CNST: variants seen among roughly 807,000 people sequenced by gnomAD.
CNST encodes consortin.
In CNST, 39 loss-of-function variants were observed where a neutral mutation model predicts 72.4. The ratio of observed to expected loss-of-function variants is 0.54; its 90% CI spans 0.42 to 0.70. The LOEUF is 0.70. Ranked by LOEUF, CNST falls within the 30% of genes least tolerant of loss-of-function variation. The probability of loss-of-function intolerance (pLI) is 0.00; values close to 1 mark genes in which losing one functional copy is unlikely to be tolerated. For synonymous variants in CNST, 332 were observed against 320.1 expected, an observed-to-expected ratio of 1.04 and a Z score of -0.40; for missense variants, 871 against 868.5, an observed-to-expected ratio of 1.00 and a Z score of -0.04.
chr1:246,606,643 C>A (rs1038041693), intron 2 of CNST: 1 of 150,968 alleles, frequency 6.6e-6, no homozygotes, highest in Non-Finnish European at 1.5e-5. Flanking sequence ...GCGATAACCC[C>A]GTGAACCATC....
At chr1:246,652,536 A>C (rs1355761547) in intron 9 of CNST, among the ~76,000 whole-genome samples, 1 of 152,252 alleles carries the variant, frequency 6.6e-6, no homozygotes, top group Non-Finnish European at 1.5e-5. Flanking sequence ...TGTGGAGATA[A>C]ACCATTCATT....
chr1:246,608,093 A>T (rs1198720314), intron 2 of CNST: 1 of 152,150 alleles, frequency 6.6e-6, no homozygotes, highest in Non-Finnish European at 1.5e-5. Context: ...AAACAAAACA[A>T]CAAGAAAACA....
intron 3 of CNST, among the ~76,000 whole-genome samples, chr1:246,624,390 T>C (rs1160465297): frequency 1.3e-5 from 2 of 152,230 alleles, no homozygotes; most frequent in African/African-American, 4.8e-5. Flanking sequence ...TTTCTCCTGT[T>C]GTAAAGTAAT....
Position 246,647,663 on chromosome 1 carries a change from G to C in CNST, c.1462G>C (p.Asp488His). The change falls in exon 9 of 11, where the codon GAT (aspartate) becomes CAT (histidine). Residue 488 changes from aspartate (D) to histidine (H), a missense_variant. Asp to His is a moderately conservative substitution (Grantham distance 81, BLOSUM62 -1). Transcript: ENST00000366513. ...TGAATTAAATGAGCTGCAGCAGCCT[G>C]ATCTTACAGACAGTGATGGAAAATC... ...NNELNELQQP[D>H]LTDSDGKSPQ... The C allele has an allele frequency of 6.2e-7, 1 of 1,614,168 alleles. No homozygotes were observed. The highest frequency in any genetic ancestry group is 8.5e-7 in the Non-Finnish European group (1 of 1,180,032).
intron 8 of CNST, among the ~76,000 whole-genome samples, chr1:246,644,223 C>T (rs1198266513): frequency 1.3e-5 from 2 of 151,982 alleles, no homozygotes; most frequent in African/African-American, 4.8e-5. Flanking sequence ...CCCGTCTCTA[C>T]TAAAAATACA....
intron 1 of CNST, among the ~76,000 whole-genome samples, chr1:246,585,064 G>A (rs1440320867): frequency 6.6e-6 from 1 of 152,168 alleles, no homozygotes; most frequent in African/African-American, 2.4e-5. Flanking sequence ...TGATTCTGCT[G>A]GGCCTTAGTC....
chr1:246,616,894 G>C (rs957595334), intron 2 of CNST, among the ~76,000 whole-genome samples: 1 of 151,464 alleles, frequency 6.6e-6, no homozygotes, highest in Admixed American at 6.6e-5. Context: ...AGACTCATGT[G>C]ACATCAAACG....
chr1:246,654,241 T>G lies in CNST; in HGVS notation c.1837-5958T>G, dbSNP rs534781718. On this transcript the variant is annotated intron_variant, in intron 9 of 10. Transcript: ENST00000366513. ...CCCTCGCCACCTCCCAGATACACCT[T>G]GCATGTCGTCACGTTTGCTCTTTTC... Among the ~76,000 whole-genome samples, 19 of 152,314 alleles carry G rather than the reference T, an allele frequency of 1.2e-4. No individual in the cohort carries two copies. The East Asian group carries it at 3.5e-3, about 28-fold the overall frequency.
At chr1:246,649,299 C>T (rs1666317745) in intron 9 of CNST, among the ~76,000 whole-genome samples, 2 of 151,842 alleles carry the variant, frequency 1.3e-5, no homozygotes, top group African/African-American at 4.8e-5. Context: ...GCAATGAATG[C>T]CACTGAATTG....
chr1:246,577,419 A>G lies in CNST; in HGVS notation c.-52+10756A>G, dbSNP rs192678128. Among the ~76,000 whole-genome samples the G allele has an allele frequency of 6.0e-4, 91 of 152,134 alleles. 2 individuals carry two copies. The highest frequency in any genetic ancestry group is 2.1e-3 in the African/African-American group (87 of 41,414). On this transcript the variant is annotated intron_variant, in intron 1 of 10. Transcript: ENST00000366513. Reference sequence around the variant, plus strand: ...GAACTGAACTTTGGATTAAAGTACTACCTTTTTGTAGCTGTTACTCAAAGT... The same window carrying G: ...GAACTGAACTTTGGATTAAAGTACTGCCTTTTTGTAGCTGTTACTCAAAGT...
intron 2 of CNST, among the ~76,000 whole-genome samples, chr1:246,615,392 G>T (rs968779462): frequency 2.6e-5 from 4 of 151,766 alleles, no homozygotes; most frequent in African/African-American, 9.7e-5. Context: ...AGCCAGGATG[G>T]TCTCGATCTC....
chr1:246,661,174 T>G (rs1359693771), intron 10 of CNST, among the ~76,000 whole-genome samples: 1 of 152,122 alleles, frequency 6.6e-6, no homozygotes, highest in Non-Finnish European at 1.5e-5. Flanking sequence ...TTCACCATGT[T>G]GGTCAGGCTG....
intron 9 of CNST, among the ~76,000 whole-genome samples, chr1:246,655,339 A>G (rs778224603): frequency 3.7e-4 from 57 of 152,126 alleles, no homozygotes; most frequent in Non-Finnish European, 5.6e-4. Context: ...TCTAAGATGC[A>G]GTGCTGTGGG....
rs764201920 is a variant in CNST at position 246,597,476 on chromosome 1, TAAC to T, written c.379+5540_379+5542del. The stretch of plus-strand genomic sequence containing the variant: ...TAGATGATGTGTTTTATGGTTGTCG[TAAC>T]AACACTAGATATTTACTCAGCGCTA... On this transcript the variant is annotated intron_variant, in intron 2 of 10. Coordinates refer to ENST00000366513, the MANE Select transcript of CNST (RefSeq NM_152609.3). Among the ~76,000 whole-genome samples, 197 of 152,328 alleles carry T rather than the reference TAAC, an allele frequency of 1.3e-3. 1 individual carries two copies. In the Middle Eastern group the frequency reaches 0.017, roughly 13 times the overall value.
chr1:246,588,287 G>A (rs1266309051), intron 1 of CNST, among the ~76,000 whole-genome samples: 1 of 151,892 alleles, frequency 6.6e-6, no homozygotes, highest in African/African-American at 2.4e-5. Flanking sequence ...AGTGCCAGGG[G>A]TATTTGGAAT....
chr1:246,588,390 A>T (rs1325071469), intron 1 of CNST, among the ~76,000 whole-genome samples: 1 of 152,178 alleles, frequency 6.6e-6, no homozygotes, highest in Non-Finnish European at 1.5e-5. Context: ...TTTAAATAGT[A>T]TCTATTTCCT....
chr1:246,634,775 T>C (rs1433189170), intron 6 of CNST, among the ~76,000 whole-genome samples, 188 bp downstream of exon 6: 1 of 152,216 alleles, frequency 6.6e-6, no homozygotes, highest in African/African-American at 2.4e-5. Flanking sequence ...CACAAGGCGG[T>C]GTGGAGCATC....
At chr1:246,625,721 A>G (rs1664387937) in intron 3 of CNST, among the ~76,000 whole-genome samples, 1 of 151,784 alleles carries the variant, frequency 6.6e-6, no homozygotes, top group Admixed American at 6.6e-5. Flanking sequence ...CGCCCGGCCT[A>G]ATTATTTCTT....
intron 4 of CNST, among the ~76,000 whole-genome samples, chr1:246,633,466 G>A (rs1037204897): frequency 1.3e-5 from 2 of 148,762 alleles, no homozygotes; most frequent in Non-Finnish European, 3.0e-5. Context: ...AAAAAAGCTG[G>A]ACGCAGTGAT....
Sources: allele counts gnomAD v4.1 joint callset (sites outside exome capture counted in the v4.1 genomes callset), GRCh38; gene constraint gnomAD v4.1.1; transcripts MANE v1.5; gene names NCBI Gene and HGNC (gene_info 2026-07-23, HGNC 2026-07-21).